The following HDAC5 variants were observed in gnomAD, a reference collection of about 807,000 sequenced individuals.
HDAC5 encodes the protein histone deacetylase 5, also known as antigen NY-CO-9.
HDAC5 carries 25 observed loss-of-function variants against 133.3 expected under a neutral mutation model. That is an observed-to-expected ratio of 0.19 (90% CI 0.14 to 0.26). The LOEUF (loss-of-function observed/expected upper bound fraction) is 0.26, where lower values mean the gene tolerates loss of function less well. HDAC5 is among the 10% of genes least tolerant of loss of function. The pLI is 1.00. For synonymous variants in HDAC5, 589 were observed against 610.8 expected (o/e 0.96, Z 0.53); for missense variants, 1,041 against 1,460.5 (o/e 0.71, Z 4.68).
At chr17:44,111,344 TG>T (rs963804773) in intron 2 of HDAC5, 51 of 314,298 alleles carry the variant, frequency 1.6e-4, no homozygotes, top group East Asian at 4.0e-4. Flanking sequence ...GGAGGCCCCA[TG>T]GGGGGGGAGG....
chr17:44,081,082 C>G (rs1490386542), intron 20 of HDAC5, among the ~76,000 whole-genome samples, 200 bp from the exon 21 acceptor site: 5 of 152,136 alleles, frequency 3.3e-5, no homozygotes, highest in Admixed American at 6.5e-5. Flanking sequence ...GTATTGCACA[C>G]CCCACACTTC....
chr17:44,092,673 C>T lies in HDAC5; in HGVS notation c.772+3G>A, dbSNP rs1040281061. On this transcript the variant is annotated splice_donor_region_variant and intron_variant, in intron 7 of 26. Coordinates refer to ENST00000682912, the MANE Select transcript of HDAC5 (RefSeq NM_005474.5). ...TGGGAGGCCAGGTGGGGGACTCACT[C>T]ACCTGTTTTGCGGAGGGGGAAGTCG... is the stretch of plus-strand genomic sequence containing the variant. The T allele has an allele frequency of 1.3e-6, 2 of 1,523,040 alleles. No homozygotes were observed. Among genetic ancestry groups the T allele is most frequent in the South Asian group, 1.3e-5 (1 of 77,682 alleles). 94.3% of individuals were successfully genotyped at this position (1,523,040 alleles called of 1,614,324 possible). A position where few individuals can be genotyped will look rare whatever the true frequency, so the allele number is the denominator to read the frequency against.
At chr17:44,121,223 T>C (rs1309838851) in intron 1 of HDAC5, among the ~76,000 whole-genome samples, 1 of 151,822 alleles carries the variant, frequency 6.6e-6, no homozygotes, top group Admixed American at 6.6e-5. Flanking sequence ...GATACCCTCT[T>C]CCCAGCACTA....
At chr17:44,114,017 CCAG>C (rs2052495088) in intron 2 of HDAC5, among the ~76,000 whole-genome samples, 1 of 145,212 alleles carries the variant, frequency 6.9e-6, no homozygotes, top group Non-Finnish European at 1.5e-5. Context: ...CATGTGCCAG[CCAG>C]GCCCCATGCT....
At chr17:44,084,463 AC>A in intron 16 of HDAC5, 91 bp downstream of exon 16, 8 of 1,508,804 alleles carry the variant, frequency 5.3e-6, no homozygotes, top group Non-Finnish European at 7.3e-6. Flanking sequence ...CGTGGGGACA[AC>A]CCTCCTAGCC....
chr17:44,080,063 T>A, intron 23 of HDAC5, 44 bp downstream of exon 23: 6 of 1,363,032 alleles, frequency 4.4e-6, no homozygotes, highest in Non-Finnish European at 6.3e-6. Flanking sequence ...GGACTCGATA[T>A]CCTCACTGTT....
intron 3 of HDAC5, among the ~76,000 whole-genome samples, chr17:44,098,448 G>C (rs2051395656): frequency 6.6e-6 from 1 of 152,258 alleles, no homozygotes; most frequent in East Asian, 1.9e-4. Context: ...TTAAAAAAAA[G>C]GGAACCTGGG....
In HDAC5 at chr17:44,117,770, G is replaced by A. The variant is rs2052737280; in HGVS notation, c.-189-66C>T. ...GAATCTGAGAGTCGAAGGAGACCTT[G>A]GAGCTCATCAGTTTGTACCTGGGGA... On this transcript the variant is annotated intron_variant, in intron 1 of 26. Transcript: ENST00000682912. This position sits in a 1 kb window ranked among gnomAD's most constrained non-coding sequence, Gnocchi z 4.2. 3 of 596,800 alleles carry A rather than the reference G, an allele frequency of 5.0e-6. No individual in the cohort carries two copies. Among genetic ancestry groups the A allele is most frequent in the Non-Finnish European group, 9.0e-6 (3 of 333,740 alleles). 37.0% of individuals were successfully genotyped at this position (596,800 alleles called of 1,614,324 possible).
rs372674785 is a variant in HDAC5 at position 44,093,722 on chromosome 17, G to C, written c.207C>G (p.Pro69=). 88 of 1,605,378 alleles carry C rather than the reference G, an allele frequency of 5.5e-5. No homozygotes were observed. The African/African-American group carries it at 8.8e-4, about 16-fold the overall frequency. ...GCTGCAGTTGCTGCTCCCGCAGTGTGGGGTCCACAGAGCCCACCAGAGCCC... is the reference window on the plus strand; with the variant it reads ...GCTGCAGTTGCTGCTCCCGCAGTGTCGGGTCCACAGAGCCCACCAGAGCCC... ...LRGALVGSVD[P]TLREQQLQQE... is the part of the protein sequence containing the mutation. Residue 69 remains proline (P), a synonymous_variant, in exon 4 of 27, where the codon CCC becomes CCG. Coordinates refer to ENST00000682912, the MANE Select transcript of HDAC5 (RefSeq NM_005474.5).
intron 3 of HDAC5, among the ~76,000 whole-genome samples, chr17:44,106,368 A>G (rs60595477): frequency 0.015 from 2,285 of 152,264 alleles, 64 homozygotes; most frequent in African/African-American, 0.052. Context: ...GGAGGCCCCC[A>G]AGGCTAGAAT....
chr17:44,102,714 T>G (rs73314422), intron 3 of HDAC5, among the ~76,000 whole-genome samples: 1,838 of 137,408 alleles, frequency 0.013, 37 homozygotes, highest in African/African-American at 0.047. Context: ...CCAGCTGGAG[T>G]GCGGTGGGGT....
intron 20 of HDAC5, chr17:44,082,312 G>A (rs1785424287): frequency 3.9e-6 from 2 of 517,376 alleles, no homozygotes; most frequent in African/African-American, 1.9e-5. Flanking sequence ...TTCAAGGTAG[G>A]AAATCCCCTT....
rs765343430 is a variant in HDAC5 at position 44,091,337 on chromosome 17, C to G, written c.1320G>C (p.Gly440=). ...VALEGDGSPH[G]HASLLQHVLL... ...GCACATGCTGCAGCAGGGAGGCATG[C>G]CCGTGGGGGCTCCCGTCGCCCTCCA... The change falls in exon 11 of 27, where the codon GGG becomes GGC. Residue 440 remains glycine (G), a synonymous_variant. Coordinates refer to ENST00000682912, the MANE Select transcript of HDAC5 (RefSeq NM_005474.5). The G allele has an allele frequency of 6.2e-7, 1 of 1,608,322 alleles. No individual in the cohort carries two copies. The highest frequency in any genetic ancestry group is 1.1e-5 in the South Asian group (1 of 90,358).
intron 3 of HDAC5, among the ~76,000 whole-genome samples, chr17:44,099,662 G>C (rs1016073599): frequency 9.9e-5 from 15 of 152,098 alleles, no homozygotes; most frequent in Admixed American, 9.8e-4. Flanking sequence ...TTTTAGTAGA[G>C]ACGGGGTTTC....
intron 3 of HDAC5, among the ~76,000 whole-genome samples, chr17:44,098,825 C>A (rs1223643552): frequency 6.6e-6 from 1 of 150,498 alleles, no homozygotes; most frequent in Non-Finnish European, 1.5e-5. Context: ...AAGAGCCCCA[C>A]TGAAAGGCCA....
At position 44,086,715 on chromosome 17, in the gene HDAC5, A is replaced by C. The variant is rs751653303; in HGVS notation, c.1907T>G (p.Leu636Arg). Residue 636 changes from leucine to arginine, a missense_variant, in exon 14 of 27, where the codon CTG (leucine) becomes CGG (arginine). By Grantham distance (102) the Leu-to-Arg change is moderately radical. Around this residue, in one of 9 missense-constraint regions of HDAC5, gnomAD observed 433 missense variants for 531.6 expected, o/e 0.81. Coordinates refer to ENST00000682912, the MANE Select transcript of HDAC5 (RefSeq NM_005474.5). ...CGCCTGGTACACCTGCAAAGGCTGCAGCGGCTGGGCATCTGAGAACAGCTG... is the reference window on the plus strand; with the variant it reads ...CGCCTGGTACACCTGCAAAGGCTGCCGCGGCTGGGCATCTGAGAACAGCTG... ...YKKLFSDAQPLQPLQVYQAPL... is the reference protein window; with the variant it reads ...YKKLFSDAQPRQPLQVYQAPL... 1 of 1,298,462 alleles carries C rather than the reference A, an allele frequency of 7.7e-7. No individual in the cohort carries two copies. Among genetic ancestry groups the C allele is most frequent in the South Asian group, 3.5e-5 (1 of 28,890 alleles). 80.4% of individuals were successfully genotyped at this position (1,298,462 alleles called of 1,614,324 possible).
chr17:44,104,222 T>C (rs1395246728), intron 3 of HDAC5, among the ~76,000 whole-genome samples: 1 of 151,904 alleles, frequency 6.6e-6, no homozygotes, highest in African/African-American at 2.4e-5. Flanking sequence ...GGAGAATCGC[T>C]TGAACCCAGA....
In HDAC5 at chr17:44,078,542, GC is replaced by G; in HGVS notation, c.3286del (p.Ala1096ProfsTer86). ...GGCTGCCGCAGCCTGGGCCTGCTCG[GC>G]CCCCACCGACAGCAAGGCCATGGCG... ...VSAMALLSVGAEQAQAAAARE... is the reference protein window; with the variant it reads ...VSAMALLSVGXEQAQAAAARE... On this transcript the variant is annotated frameshift_variant, in exon 26 of 27. Coordinates refer to ENST00000682912, the MANE Select transcript of HDAC5 (RefSeq NM_005474.5). LOFTEE classifies it high-confidence loss of function. 6.2e-7 allele frequency: 1 copy of G among 1,612,238 alleles called. No individual in the cohort carries two copies.
chr17:44,100,213 G>T (rs1261325109), intron 3 of HDAC5, among the ~76,000 whole-genome samples: 1 of 152,056 alleles, frequency 6.6e-6, no homozygotes, highest in South Asian at 2.1e-4. Context: ...CAAGCCTTCC[G>T]CCTGCTCTGA....
Sources: allele counts gnomAD v4.1 joint callset (sites outside exome capture counted in the v4.1 genomes callset), GRCh38; gene constraint gnomAD v4.1.1; regional missense constraint gnomAD v4.1.1; non-coding constraint Gnocchi (gnomAD v3.1); transcripts MANE v1.5; gene names NCBI Gene and HGNC (gene_info 2026-07-23, HGNC 2026-07-21).